The following RORA variants were observed in gnomAD, a reference collection of about 807,000 sequenced individuals.
The protein encoded by RORA is nuclear receptor ROR-alpha.
RORA carries 7 observed loss-of-function variants against 69.5 expected under a neutral mutation model. The ratio of observed to expected loss-of-function variants is 0.10; its 90% CI spans 0.06 to 0.19. RORA has a LOEUF of 0.19. RORA is among the 10% of genes least tolerant of loss of function. RORA has a pLI of 1.00. For missense variants in RORA, 457 were observed against 663.0 expected (o/e 0.69, Z 3.41); for synonymous variants, 261 against 240.8 (o/e 1.08, Z -0.78).
chr15:60,911,107 G>C lies in RORA; in HGVS notation c.167-232421C>G, dbSNP rs796511945. Among the ~76,000 whole-genome samples the C allele has an allele frequency of 2.1e-3, 127 of 61,402 alleles. 1 individual carries two copies. The highest frequency in any genetic ancestry group is 7.2e-3 in the African/African-American group (99 of 13,766). 40.3% of individuals were successfully genotyped at this position (61,402 alleles called of 152,430 possible). A position where few individuals can be genotyped will look rare whatever the true frequency, so the allele number is the denominator to read the frequency against. ...TTTTTTTTTTTTTTTTTTTTTTTTTGTATTTTTAGTAGAAACAGGATTTCA... is the reference window on the plus strand; with the variant it reads ...TTTTTTTTTTTTTTTTTTTTTTTTTCTATTTTTAGTAGAAACAGGATTTCA... On this transcript the variant is annotated intron_variant, in intron 1 of 10. Coordinates refer to ENST00000335670, the MANE Select transcript of RORA (RefSeq NM_134261.3).
intron 1 of RORA, among the ~76,000 whole-genome samples, chr15:61,075,700 A>G (rs2078438431): frequency 6.6e-6 from 1 of 152,220 alleles, no homozygotes; most frequent in South Asian, 2.1e-4. Flanking sequence ...CCAGAGTCTC[A>G]AAGCTACTAG....
chr15:60,654,274 T>C (rs569220560), intron 2 of RORA, among the ~76,000 whole-genome samples: 3 of 152,312 alleles, frequency 2.0e-5, no homozygotes, highest in Admixed American at 1.3e-4. Context: ...GTTTTCAAGG[T>C]AGAGTTTTAG....
rs536856165 is a variant in RORA, at chr15:61,214,602, G to A, written c.166+14451C>T. Among the ~76,000 whole-genome samples the A allele has an allele frequency of 1.9e-4, 29 of 152,296 alleles. No individual in the cohort carries two copies. The East Asian group carries it at 4.1e-3, about 21-fold the overall frequency. On this transcript the variant is annotated intron_variant, in intron 1 of 10. Coordinates refer to ENST00000335670, the MANE Select transcript of RORA (RefSeq NM_134261.3). ...TGCCACAGAAGCAAAATCCAAAAGC[G>A]GGGGCAGGTGAGAGATGGGAGGCCA...
intron 2 of RORA, among the ~76,000 whole-genome samples, chr15:60,624,510 T>G (rs1218333510): frequency 4.8e-5 from 4 of 82,492 alleles, no homozygotes; most frequent in Non-Finnish European, 9.3e-5. Flanking sequence ...GCTGTATGTG[T>G]GTGTATATAT....
At chr15:61,087,464 G>A (rs1400063232) in intron 1 of RORA, among the ~76,000 whole-genome samples, 2 of 152,146 alleles carry the variant, frequency 1.3e-5, no homozygotes, top group Admixed American at 1.3e-4. Context: ...ACAAACTTTT[G>A]AGAGCCTATT....
At chr15:61,169,366 C>T (rs1385565659) in intron 1 of RORA, among the ~76,000 whole-genome samples, 1 of 151,906 alleles carries the variant, frequency 6.6e-6, no homozygotes, top group Admixed American at 6.6e-5. Context: ...CTTTGGGGTC[C>T]CGATGATACC....
chr15:60,796,479 T>A (rs1035879494), intron 1 of RORA, among the ~76,000 whole-genome samples: 1 of 151,596 alleles, frequency 6.6e-6, no homozygotes, highest in African/African-American at 2.4e-5. Flanking sequence ...GATACCACTT[T>A]ATACCCACTA....
At chr15:61,183,534 A>AG (rs1400325488) in intron 1 of RORA, among the ~76,000 whole-genome samples, 1 of 11,864 alleles carries the variant, frequency 8.4e-5, no homozygotes, top group Non-Finnish European at 3.2e-4. Context: ...AGACTGTTTC[A>AG]AAAAAAAAAA....
At position 61,005,949 on chromosome 15, in the gene RORA, TTG is replaced by T. The variant is rs1894897803; in HGVS notation, c.166+223102_166+223103del. Among the ~76,000 whole-genome samples the T allele has an allele frequency of 1.3e-4, 20 of 149,384 alleles. No homozygotes were observed. In the South Asian group the frequency reaches 4.3e-3, roughly 32 times the overall value. The stretch of plus-strand genomic sequence containing the variant: ...GCTTAGAGCCATATATATATATTTT[TTG>T]TTTGTTTGTTTTGTTTTGTTTTGTT... On this transcript the variant is annotated intron_variant, in intron 1 of 10. Transcript: ENST00000335670.
At chr15:61,132,918 A>G (rs541393839) in intron 1 of RORA, among the ~76,000 whole-genome samples, 11 of 152,204 alleles carry the variant, frequency 7.2e-5, no homozygotes, top group Non-Finnish European at 1.2e-4. Context: ...ATCCGGCTAT[A>G]TATCTCTTTG....
intron 2 of RORA, among the ~76,000 whole-genome samples, chr15:60,637,615 A>G (rs369246464): frequency 2.0e-5 from 3 of 152,122 alleles, no homozygotes; most frequent in African/African-American, 7.2e-5. Flanking sequence ...AAAAAAATTT[A>G]TTTTTCTCTG....
At position 60,988,116 on chromosome 15, in the gene RORA, G is replaced by T. The variant is rs76584443; in HGVS notation, c.166+240937C>A. ...TCAATACAAAGCTGTACAATTCTAA[G>T]TACCCAGGAAGTGAGCAGACCATAT... On this transcript the variant is annotated intron_variant, in intron 1 of 10. Transcript: ENST00000335670. 2.6e-5 allele frequency among the ~76,000 whole-genome samples: 4 copies of T among 152,314 alleles called. No homozygotes were observed. The East Asian group carries it at 7.7e-4, about 29-fold the overall frequency.
At chr15:60,876,885 C>T (rs929550645) in intron 1 of RORA, among the ~76,000 whole-genome samples, 5 of 151,984 alleles carry the variant, frequency 3.3e-5, no homozygotes, top group Admixed American at 1.3e-4. Flanking sequence ...TTTTCACTTG[C>T]GAGTGGGAGC....
intron 1 of RORA, among the ~76,000 whole-genome samples, chr15:61,191,881 G>A (rs984069240): frequency 6.6e-6 from 1 of 152,216 alleles, no homozygotes; most frequent in Non-Finnish European, 1.5e-5. Flanking sequence ...CTGTAGAGTG[G>A]GATAGGTCTG....
chr15:60,984,196 A>G (rs1445498705), intron 1 of RORA, among the ~76,000 whole-genome samples: 2 of 152,162 alleles, frequency 1.3e-5, no homozygotes, highest in African/African-American at 4.8e-5. Flanking sequence ...CCGATTGAGT[A>G]ATGATAATTA....
chr15:60,662,272 A>T (rs1351595196), intron 2 of RORA, among the ~76,000 whole-genome samples: 1 of 152,196 alleles, frequency 6.6e-6, no homozygotes, highest in East Asian at 1.9e-4. Context: ...TAACAGGCAA[A>T]ATGAGGGTGG....
chr15:61,213,060 G>A lies in RORA; in HGVS notation c.166+15993C>T, dbSNP rs1366019722. On this transcript the variant is annotated intron_variant, in intron 1 of 10. Coordinates refer to ENST00000335670, the MANE Select transcript of RORA (RefSeq NM_134261.3). The surrounding 1 kb of genome is among the most constrained non-coding windows in gnomAD (Gnocchi z 4.1). The stretch of plus-strand genomic sequence containing the variant: ...GACCCCCATTCCCCGCTGCCCATCA[G>A]ATATGTCCCTGGAACTTCCAACTCA... Among the ~76,000 whole-genome samples, 1 of 152,048 alleles carries A rather than the reference G, an allele frequency of 6.6e-6. No individual in the cohort carries two copies. The highest frequency in any genetic ancestry group is 1.5e-5 in the Non-Finnish European group (1 of 68,020).
intron 1 of RORA, among the ~76,000 whole-genome samples, chr15:60,708,076 T>C (rs1445700107): frequency 6.6e-6 from 1 of 151,992 alleles, no homozygotes; most frequent in Non-Finnish European, 1.5e-5. Flanking sequence ...AGGCTTAGAG[T>C]TTAGGGTTTT....
chr15:60,785,109 A>C (rs1017943133), intron 1 of RORA, among the ~76,000 whole-genome samples: 1 of 152,258 alleles, frequency 6.6e-6, no homozygotes, highest in Non-Finnish European at 1.5e-5. Flanking sequence ...TGTGTTTGAC[A>C]AGATAACCTG....
Sources: allele counts gnomAD v4.1 joint callset (sites outside exome capture counted in the v4.1 genomes callset), GRCh38; gene constraint gnomAD v4.1.1; non-coding constraint Gnocchi (gnomAD v3.1); transcripts MANE v1.5; gene names NCBI Gene and HGNC (gene_info 2026-07-23, HGNC 2026-07-21).